Variants in CDK17 observed in about 807,000 individuals in gnomAD.
CDK17 encodes cyclin dependent kinase 17.
A neutral mutation model predicts 77.6 loss-of-function variants in CDK17; 24 were observed. The observed-to-expected ratio is 0.31, with a 90% CI of 0.22 to 0.44. The LOEUF is 0.44. Among genes scored for constraint, CDK17 ranks in the 20% least tolerant of loss-of-function variants. The pLI, the probability that CDK17 is intolerant of heterozygous loss-of-function variation, is 1.00. For missense variants in CDK17, 429 were observed against 622.5 expected, an observed-to-expected ratio of 0.69 and a Z score of 3.31; for synonymous variants, 203 against 210.4, an observed-to-expected ratio of 0.96 and a Z score of 0.30.
intron 1 of CDK17, among the ~76,000 whole-genome samples, chr12:96,348,924 G>A (rs1033169246): frequency 9.9e-5 from 15 of 152,182 alleles, no homozygotes; most frequent in African/African-American, 3.6e-4. Context: ...ACTGAAGAGG[G>A]GGTAACACTT....
intron 1 of CDK17, among the ~76,000 whole-genome samples, chr12:96,382,957 A>G (rs547944150): frequency 3.3e-5 from 5 of 152,052 alleles, no homozygotes; most frequent in Non-Finnish European, 7.4e-5. Flanking sequence ...AGGCATCTGA[A>G]TAGAGAAAGA....
chr12:96,310,924 G>T, intron 5 of CDK17, 128 bp downstream of exon 5: 1 of 938,368 alleles, frequency 1.1e-6, no homozygotes, highest in Non-Finnish European at 1.6e-6. Context: ...TAAAAATCGA[G>T]AAGGCAATAT....
chr12:96,298,093 C>T (rs1418306448), intron 7 of CDK17, among the ~76,000 whole-genome samples: 1 of 152,042 alleles, frequency 6.6e-6, no homozygotes, highest in African/African-American at 2.4e-5. Flanking sequence ...GATCGCCTGG[C>T]TAACATGGTG....
intron 10 of CDK17, 81 bp from the exon 11 acceptor site, chr12:96,289,368 C>CA: frequency 6.8e-7 from 1 of 1,471,708 alleles, no homozygotes; most frequent in South Asian, 1.2e-5. Flanking sequence ...TGACTCCATT[C>CA]AAAGGGATGC....
Position 96,298,988 on chromosome 12 carries a change from A to G in CDK17, c.601-5T>C. On this transcript the variant is annotated splice_polypyrimidine_tract_variant and splice_region_variant and intron_variant, in intron 6 of 16. Coordinates refer to ENST00000261211, the MANE Select transcript of CDK17 (RefSeq NM_002595.5). The stretch of plus-strand genomic sequence containing the variant: ...ATATACTGTTGCATATGTACCCTAT[A>G]AAATATATTTTTAAAGGACGCATCA... The G allele has an allele frequency of 7.2e-7, 1 of 1,383,334 alleles. No homozygotes were observed. The allele number at this position is 1,383,334 out of a possible 1,614,324, so 85.7% of individuals were successfully genotyped here. A position where few individuals can be genotyped will look rare whatever the true frequency, so the allele number is the denominator to read the frequency against.
chr12:96,352,870 A>G (rs1953331949), intron 1 of CDK17, among the ~76,000 whole-genome samples: 1 of 152,188 alleles, frequency 6.6e-6, no homozygotes, highest in Admixed American at 6.5e-5. Context: ...AAAGTATTAG[A>G]GTTTATGAAA....
At chr12:96,352,714 C>T (rs929299121) in intron 1 of CDK17, among the ~76,000 whole-genome samples, 2 of 152,154 alleles carry the variant, frequency 1.3e-5, no homozygotes, top group Non-Finnish European at 2.9e-5. Context: ...TCCTTTTTCA[C>T]AATGTCTGAC....
chr12:96,316,080 C>T (rs1007143993), intron 3 of CDK17, among the ~76,000 whole-genome samples: 19 of 152,120 alleles, frequency 1.2e-4, no homozygotes, highest in African/African-American at 3.6e-4. Flanking sequence ...AGACAGTGGG[C>T]GCAGGCCAGT....
intron 1 of CDK17, among the ~76,000 whole-genome samples, chr12:96,348,523 CAAAAA>C (rs35363324): frequency 3.0e-5 from 2 of 66,374 alleles, no homozygotes; most frequent in South Asian, 1.2e-3. Flanking sequence ...GACTCTGTCT[CAAAAA>C]AAAAAAAAAA....
chr12:96,377,915 G>A (rs1258590685), intron 1 of CDK17, among the ~76,000 whole-genome samples: 1 of 152,088 alleles, frequency 6.6e-6, no homozygotes, highest in Non-Finnish European at 1.5e-5. Context: ...GGATGGTCTT[G>A]ATCTCCTGAC....
intron 7 of CDK17, 38 bp downstream of exon 7, chr12:96,298,831 C>T: frequency 9.3e-7 from 1 of 1,079,660 alleles, no homozygotes; most frequent in Non-Finnish European, 1.4e-6. Flanking sequence ...ACTTATTCCA[C>T]CACTTTGATT....
In CDK17 at chr12:96,280,904, A is replaced by G; in HGVS notation, c.1457-19T>C. ...GATACACCTAAAATGCATAGACAAA[A>G]ATTATTAGGTGAAGGTCTAACATTA... On this transcript the variant is annotated intron_variant, in intron 15 of 16. Coordinates refer to ENST00000261211, the MANE Select transcript of CDK17 (RefSeq NM_002595.5). 6.3e-7 allele frequency: 1 copy of G among 1,597,572 alleles called. No individual in the cohort carries two copies.
intron 1 of CDK17, among the ~76,000 whole-genome samples, chr12:96,375,464 AACATCTACAC>A: frequency 6.7e-6 from 1 of 149,064 alleles, no homozygotes; most frequent in East Asian, 2.0e-4. Context: ...CTGGGTGGAC[AACATCTACAC>A]ACAGTGACTC....
At position 96,399,967 on chromosome 12, in the gene CDK17, A is replaced by ACGCCAGCCGCCAACT; in HGVS notation, c.-30+4_-30+18dup. 1 of 366,336 alleles carries ACGCCAGCCGCCAACT rather than the reference A, an allele frequency of 2.7e-6. No homozygotes were observed. The allele number at this position is 366,336 out of a possible 1,614,324, so 22.7% of individuals were successfully genotyped here. ...GACACCAGGGGAAAGCGCGGCGCGG[A>ACGCCAGCCGCCAACT]CGCCAGCCGCCAACTCACCAGCAAG... On this transcript the variant is annotated intron_variant, in intron 1 of 16. Coordinates refer to ENST00000261211, the MANE Select transcript of CDK17 (RefSeq NM_002595.5).
intron 5 of CDK17, among the ~76,000 whole-genome samples, chr12:96,308,765 A>AATAATAATAATAATAATAATC (rs1383284887): frequency 6.8e-6 from 1 of 148,076 alleles, no homozygotes; most frequent in Non-Finnish European, 1.5e-5. Flanking sequence ...TAATAATAAT[A>AATAATAATAATAATAATAATC]ATGTAAAAAA....
At chr12:96,344,898 T>C (rs542671612) in intron 1 of CDK17, among the ~76,000 whole-genome samples, 3 of 152,300 alleles carry the variant, frequency 2.0e-5, no homozygotes, top group Non-Finnish European at 2.9e-5. Flanking sequence ...ACATGTGCCA[T>C]GGTGGTGTGC....
chr12:96,283,474 A>T, intron 14 of CDK17, 129 bp downstream of exon 14: 1 of 674,728 alleles, frequency 1.5e-6, no homozygotes, highest in Non-Finnish European at 2.6e-6. Flanking sequence ...TAACTTAAAC[A>T]TGTGCCTTAA....
chr12:96,367,471 C>T (rs1183472004), intron 1 of CDK17, among the ~76,000 whole-genome samples: 6 of 150,758 alleles, frequency 4.0e-5, no homozygotes, highest in African/African-American at 9.8e-5. Context: ...TACTAACAGT[C>T]GAAATAAGAA....
At chr12:96,346,142 A>G (rs1026957625) in intron 1 of CDK17, among the ~76,000 whole-genome samples, 1 of 152,078 alleles carries the variant, frequency 6.6e-6, no homozygotes. Flanking sequence ...ACATGGTGAA[A>G]TCCCATTTCT....
Sources: gnomAD v4.1 joint callset for allele counts (sites outside exome capture counted in the v4.1 genomes callset) on GRCh38, gnomAD v4.1.1 for gene constraint, MANE v1.5 for transcripts, NCBI Gene and HGNC (gene_info 2026-07-23, HGNC 2026-07-21) for gene names.